The following FCHSD1 variants were observed in gnomAD, a reference collection of about 807,000 sequenced individuals.
FCHSD1 encodes F-BAR and double SH3 domains protein 1.
A neutral mutation model predicts 101.3 loss-of-function variants in FCHSD1; 109 were observed. The ratio of observed to expected loss-of-function variants is 1.08; its 90% CI spans 0.92 to 1.26. The LOEUF (loss-of-function observed/expected upper bound fraction) is 1.26, where lower values mean the gene tolerates loss of function less well. Ranked by LOEUF, FCHSD1 falls within the 50% of genes most tolerant of loss-of-function variation. FCHSD1 has a pLI of 0.00. For missense variants in FCHSD1, 820 were observed against 895.8 expected (o/e 0.92, Z 1.08); for synonymous variants, 291 against 356.8 (o/e 0.82, Z 2.08).
chr5:141,643,045 G>T lies in FCHSD1; in HGVS notation c.1907C>A (p.Pro636His). ...AGGGGGCCCATCCAACACAGAGGTA[G>T]GTGCAGGTGGGGAGAAGCTGGGAGG... Reference protein sequence around the residue: ...PSPPSFSPPAPTSVLDGPPAP... With the variant: ...PSPPSFSPPAHTSVLDGPPAP... The change falls in exon 18 of 20, where the codon CCT (proline) becomes CAT (histidine). Residue 636 changes from proline (P) to histidine (H), a missense_variant. Physicochemically the swap from Pro to His is moderately conservative, Grantham distance 77. Transcript: ENST00000435817. The T allele has an allele frequency of 6.5e-7, 1 of 1,548,138 alleles. No individual in the cohort carries two copies.
rs1596459715 is a variant in FCHSD1 at position 141,643,199 on chromosome 5, G to A, written c.1864-111C>T. 1.2e-5 allele frequency: 9 copies of A among 779,328 alleles called. No individual in the cohort carries two copies. The East Asian group carries it at 2.6e-4, about 23-fold the overall frequency. 48.3% of individuals were successfully genotyped at this position (779,328 alleles called of 1,614,324 possible). A position where few individuals can be genotyped will look rare whatever the true frequency, so the allele number is the denominator to read the frequency against. ...CTCATCACTTCTCAATACAGGAAGT[G>A]GCCAAATGCTTGCATTCGGTGGGGG... On this transcript the variant is annotated intron_variant, in intron 17 of 19. Transcript: ENST00000435817.
chr5:141,644,158 T>C (rs1052053788), intron 17 of FCHSD1, 60 bp downstream of exon 17: 31 of 1,465,392 alleles, frequency 2.1e-5, no homozygotes, highest in African/African-American at 1.5e-4. Context: ...TGAGGCTTTA[T>C]TGGGGTGGGA....
intron 11 of FCHSD1, 76 bp from the exon 12 acceptor site, chr5:141,646,267 TA>T: frequency 7.8e-7 from 1 of 1,281,306 alleles, no homozygotes; most frequent in Non-Finnish European, 1.1e-6. Flanking sequence ...GGTACTTTGC[TA>T]GTTGCATCAC....
rs1203974039 is a variant in FCHSD1, at chr5:141,649,434, C to A, written c.336G>T (p.Gly112=). ...GCTCCTTGGCGCTCCGCCCTGTACC[C>A]CCTGCTAGGTCACGGTATCGGTCAG... The part of the protein sequence containing the change: ...QASDRYRDLA[G]GTGRSAKEQV... Residue 112 remains glycine, a synonymous_variant, in exon 5 of 20, where the codon GGG becomes GGT. Coordinates refer to ENST00000435817, the MANE Select transcript of FCHSD1 (RefSeq NM_033449.3). This position sits in a 1 kb window ranked among gnomAD's most constrained non-coding sequence, Gnocchi z 4.1. 3 of 1,614,050 alleles carry A rather than the reference C, an allele frequency of 1.9e-6. No homozygotes were observed. Among genetic ancestry groups the A allele is most frequent in the Non-Finnish European group, 2.5e-6 (3 of 1,179,896 alleles).
At chr5:141,647,880 C>T (rs769397167) in intron 8 of FCHSD1, 88 bp downstream of exon 8, 20 of 1,531,040 alleles carry the variant, frequency 1.3e-5, no homozygotes, top group Non-Finnish European at 1.7e-5. Flanking sequence ...ATCCCCTGCA[C>T]CACCCACTGT....
intron 8 of FCHSD1, 75 bp downstream of exon 8, chr5:141,647,893 T>G: frequency 8.3e-6 from 13 of 1,556,986 alleles, no homozygotes; most frequent in Non-Finnish European, 1.1e-5. Flanking sequence ...CCCACTGTCA[T>G]GGGGATCAAG....
At chr5:141,645,979 G>A (rs1468743154) in intron 12 of FCHSD1, 47 bp from the exon 13 acceptor site, 1 of 1,544,384 alleles carries the variant, frequency 6.5e-7, no homozygotes, top group East Asian at 2.4e-5. Context: ...TGACGGCAGT[G>A]TTTACTCTCT....
At position 141,639,770 on chromosome 5, in the gene FCHSD1, C is replaced by G; in HGVS notation, c.*1728G>C. 7.8e-7 allele frequency: 1 copy of G among 1,283,266 alleles called. No homozygotes were observed. Among genetic ancestry groups the G allele is most frequent in the Non-Finnish European group, 1.1e-6 (1 of 913,922 alleles). 79.5% of individuals were successfully genotyped at this position (1,283,266 alleles called of 1,614,324 possible). A position where few individuals can be genotyped will look rare whatever the true frequency, so the allele number is the denominator to read the frequency against. Reference sequence around the variant, plus strand: ...ACTGGGAGCTCCGGCAGAAGTCAGGCTACACAATGTGCCCCACAATCTGAG... The same window carrying G: ...ACTGGGAGCTCCGGCAGAAGTCAGGGTACACAATGTGCCCCACAATCTGAG... On this transcript the variant is annotated 3_prime_UTR_variant, in exon 20 of 20. Transcript: ENST00000435817. This position sits in a 1 kb window ranked among gnomAD's most constrained non-coding sequence, Gnocchi z 4.4.
At position 141,640,002 on chromosome 5, in the gene FCHSD1, G is replaced by C. The variant is rs17855844; in HGVS notation, c.*1496C>G. 311,814 of 1,613,396 alleles carry C rather than the reference G, an allele frequency of 0.19. 31,290 individuals carry two copies. Among genetic ancestry groups the C allele is most frequent in the South Asian group, 0.31 (27,901 of 91,064 alleles). ...CCCCACAGACAGGAGCTGGGGCTCTGGTGGGGGACAGGACCCAGGGGGTGG... is the reference window on the plus strand; with the variant it reads ...CCCCACAGACAGGAGCTGGGGCTCTCGTGGGGGACAGGACCCAGGGGGTGG... On this transcript the variant is annotated 3_prime_UTR_variant, in exon 20 of 20. Coordinates refer to ENST00000435817, the MANE Select transcript of FCHSD1 (RefSeq NM_033449.3).
At position 141,645,864 on chromosome 5, in the gene FCHSD1, CCAGCGCTCCA is replaced by C. The variant is rs753495707; in HGVS notation, c.1208_1217del (p.Val403GlyfsTer2). On this transcript the variant is annotated frameshift_variant, in exon 13 of 20. Coordinates refer to ENST00000435817, the MANE Select transcript of FCHSD1 (RefSeq NM_033449.3). LOFTEE classifies it high-confidence loss of function. ...GGGCCTGGGTCATGGCTGGCTTCAG[CCAGCGCTCCA>C]CATCTAAGCCAGCCCCCTGCAGCAG... 2.5e-6 allele frequency: 4 copies of C among 1,595,408 alleles called. No individual in the cohort carries two copies. The highest frequency in any genetic ancestry group is 2.6e-6 in the Non-Finnish European group (3 of 1,170,936).
chr5:141,644,605 T>C lies in FCHSD1; in HGVS notation c.1610A>G (p.Asp537Gly), dbSNP rs767138088. ...CTCTGCCCCGCAGGGATTGTCACTG[T>C]CTTGGCTGCTCTCTGGGAGGGAGAG... ...PDLSLPESSQDSDNPCGAEPT... is the reference protein window; with the variant it reads ...PDLSLPESSQGSDNPCGAEPT... Residue 537 changes from aspartate to glycine, a missense_variant, in exon 16 of 20, where the codon GAC becomes GGC. Asp to Gly is a moderately conservative substitution (Grantham distance 94, BLOSUM62 -1). Coordinates refer to ENST00000435817, the MANE Select transcript of FCHSD1 (RefSeq NM_033449.3). 119 of 1,613,872 alleles carry C rather than the reference T, an allele frequency of 7.4e-5. No individual in the cohort carries two copies. The highest frequency in any genetic ancestry group is 1.2e-4 in the Admixed American group (7 of 60,004).
chr5:141,645,998 C>T, intron 12 of FCHSD1, 66 bp from the exon 13 acceptor site: 1 of 1,538,466 alleles, frequency 6.5e-7, no homozygotes, highest in Non-Finnish European at 8.8e-7. Context: ...CTGCTTCTCC[C>T]TTCCTTCCTC....
chr5:141,644,573 C>T lies in FCHSD1; in HGVS notation c.1642G>A (p.Ala548Thr), dbSNP rs1313292449. 6.2e-7 allele frequency: 1 copy of T among 1,613,900 alleles called. No individual in the cohort carries two copies. The highest frequency in any genetic ancestry group is 1.7e-5 in the Admixed American group (1 of 60,004). ...CTAACCCAAAATTTCCCTTTCTTAC[C>T]TGTGGGCTCTGCCCCGCAGGGATTG... ...SDNPCGAEPT[A>T]FLAQALYSYT... is the part of the protein sequence containing the mutation. Residue 548 changes from alanine to threonine, a missense_variant and splice_region_variant, in exon 16 of 20, where the codon GCA (alanine) becomes ACA (threonine). Coordinates refer to ENST00000435817, the MANE Select transcript of FCHSD1 (RefSeq NM_033449.3).
chr5:141,647,368 G>A (rs776277868), intron 9 of FCHSD1, 30 bp downstream of exon 9: 20 of 1,577,400 alleles, frequency 1.3e-5, no homozygotes, highest in African/African-American at 4.1e-5. Context: ...AAGGATCCCC[G>A]GGGAAGCTCT....
rs1218726989 is a variant in FCHSD1 at position 141,640,668 on chromosome 5, A to T, written c.*830T>A. The T allele has an allele frequency of 6.5e-7, 1 of 1,535,890 alleles. No homozygotes were observed. The highest frequency in any genetic ancestry group is 2.0e-5 in the Admixed American group (1 of 50,878). On this transcript the variant is annotated 3_prime_UTR_variant, in exon 20 of 20. Transcript: ENST00000435817. The stretch of plus-strand genomic sequence containing the variant: ...AACAGTGTTATTCTTCCTCTTCTCC[A>T]AGTCTCCTTCATTGTGCTGATGGAC...
intron 10 of FCHSD1, 53 bp from the exon 11 acceptor site, chr5:141,646,775 C>G: frequency 6.3e-7 from 1 of 1,583,778 alleles, no homozygotes; most frequent in South Asian, 1.1e-5. Flanking sequence ...TCCTTCTCTC[C>G]AGTTCCCTCC....
chr5:141,647,337 G>C (rs1473760045), intron 9 of FCHSD1, 61 bp downstream of exon 9: 2 of 1,570,152 alleles, frequency 1.3e-6, no homozygotes, highest in Non-Finnish European at 1.7e-6. Context: ...AAAGAGGGCT[G>C]CATTGGGAGG....
chr5:141,640,862 C>T lies in FCHSD1; in HGVS notation c.*636G>A, dbSNP rs757107001. On this transcript the variant is annotated 3_prime_UTR_variant, in exon 20 of 20. Transcript: ENST00000435817. ...CCCTCAGTCTCTTCTCCTTCCCCTGCCTGCAACAGGCTGCCTGCCCCGCCT... is the reference window on the plus strand; with the variant it reads ...CCCTCAGTCTCTTCTCCTTCCCCTGTCTGCAACAGGCTGCCTGCCCCGCCT... The T allele has an allele frequency of 5.0e-6, 3 of 597,134 alleles. No homozygotes were observed. The highest frequency in any genetic ancestry group is 4.4e-4 in the Middle Eastern group (1 of 2,248). 37.0% of individuals were successfully genotyped at this position (597,134 alleles called of 1,614,324 possible). A position where few individuals can be genotyped will look rare whatever the true frequency, so the allele number is the denominator to read the frequency against.
intron 9 of FCHSD1, 51 bp downstream of exon 9, chr5:141,647,347 G>A: frequency 6.4e-7 from 1 of 1,573,018 alleles, no homozygotes. Flanking sequence ...GCATTGGGAG[G>A]GAAGGGTAAA....
Sources: gnomAD v4.1 joint callset for allele counts on GRCh38, gnomAD v4.1.1 for gene constraint, Gnocchi (gnomAD v3.1) non-coding constraint, MANE v1.5 for transcripts, NCBI Gene and HGNC (gene_info 2026-07-23, HGNC 2026-07-21) for gene names.